The following RHBDD1 variants were observed in gnomAD, a reference collection of about 807,000 sequenced individuals.
RHBDD1 encodes rhomboid domain containing 1.
A neutral mutation model predicts 36.3 loss-of-function variants in RHBDD1; 38 were observed. The ratio of observed to expected loss-of-function variants is 1.05; its 90% CI spans 0.81 to 1.37. The LOEUF is 1.37. Ranked by LOEUF, RHBDD1 falls within the 40% of genes most tolerant of loss-of-function variation. The pLI is 0.00. For synonymous variants in RHBDD1, 151 were observed against 136.5 expected, an observed-to-expected ratio of 1.11 and a Z score of -0.74; for missense variants, 393 against 377.6, an observed-to-expected ratio of 1.04 and a Z score of -0.34.
intron 7 of RHBDD1, 63 bp from the exon 8 acceptor site, chr2:226,914,145 A>G: frequency 6.7e-7 from 1 of 1,486,532 alleles, no homozygotes; most frequent in Non-Finnish European, 9.2e-7. Context: ...TGCTTATACA[A>G]AACAGGAAGT....
chr2:226,808,881 T>C, the RHBDD1 span, among the ~76,000 whole-genome samples: 1 of 151,626 alleles, frequency 6.6e-6, no homozygotes, highest in Non-Finnish European at 1.5e-5. Context: ...AAAAAAAAAC[T>C]TGTAGTCATT....
chr2:226,940,682 T>C (rs1203424526), intron 8 of RHBDD1, among the ~76,000 whole-genome samples: 1 of 152,188 alleles, frequency 6.6e-6, no homozygotes, highest in Non-Finnish European at 1.5e-5. Context: ...TGTTTTCAAA[T>C]AGAACTGTAA....
chr2:226,841,215 C>T (rs566492493), intron 3 of RHBDD1, among the ~76,000 whole-genome samples: 28 of 152,186 alleles, frequency 1.8e-4, no homozygotes, highest in Non-Finnish European at 3.5e-4. Context: ...TCACTGCAGC[C>T]GGGACCTCCT....
chr2:226,875,393 A>T (rs1332040088), intron 5 of RHBDD1, among the ~76,000 whole-genome samples: 1 of 152,206 alleles, frequency 6.6e-6, no homozygotes, highest in Non-Finnish European at 1.5e-5. Flanking sequence ...AACAATTCTG[A>T]ATTAAATCTT....
chr2:226,864,610 C>A lies in RHBDD1; in HGVS notation c.-84C>A. On this transcript the variant is annotated 5_prime_UTR_variant, in exon 4 of 9. Transcript: ENST00000392062. ...CATGCATTTTGTGTTTTAGGTTCAG[C>A]CGTCTGTATATCTCCCCAGATACCT... is the stretch of plus-strand genomic sequence containing the variant. 9.3e-7 allele frequency: 1 copy of A among 1,075,404 alleles called. No individual in the cohort carries two copies. The highest frequency in any genetic ancestry group is 1.4e-6 in the Non-Finnish European group (1 of 725,482). 66.6% of individuals were successfully genotyped at this position (1,075,404 alleles called of 1,614,324 possible).
chr2:226,866,950 T>A (rs944513839), intron 4 of RHBDD1, among the ~76,000 whole-genome samples: 2 of 152,212 alleles, frequency 1.3e-5, no homozygotes, highest in African/African-American at 4.8e-5. Flanking sequence ...GTATTATGTA[T>A]TTAGTAGCAT....
intron 4 of RHBDD1, among the ~76,000 whole-genome samples, chr2:226,865,885 G>C (rs1392368170): frequency 6.6e-6 from 1 of 152,152 alleles, no homozygotes; most frequent in African/African-American, 2.4e-5. Flanking sequence ...GAACTACATA[G>C]GTCCAAGGCC....
intron 8 of RHBDD1, among the ~76,000 whole-genome samples, chr2:226,979,401 C>G (rs986409187): frequency 6.6e-6 from 1 of 152,154 alleles, no homozygotes; most frequent in Non-Finnish European, 1.5e-5. Flanking sequence ...CCCCATCTCA[C>G]CAATTGAATC....
chr2:226,991,595 C>T (rs1209710638), intron 8 of RHBDD1, among the ~76,000 whole-genome samples: 1 of 152,198 alleles, frequency 6.6e-6, no homozygotes, highest in Non-Finnish European at 1.5e-5. Flanking sequence ...GTTCAGCAGG[C>T]ATTTACTGTC....
chr2:226,851,266 AT>A (rs1345666259), intron 3 of RHBDD1, among the ~76,000 whole-genome samples: 1 of 151,890 alleles, frequency 6.6e-6, no homozygotes, highest in African/African-American at 2.4e-5. Context: ...ATGTCTCTGC[AT>A]TTGGGGTATG....
At chr2:226,892,103 A>G (rs1946737360) in intron 5 of RHBDD1, among the ~76,000 whole-genome samples, 1 of 152,230 alleles carries the variant, frequency 6.6e-6, no homozygotes, top group South Asian at 2.1e-4. Flanking sequence ...TGTTCAGCCT[A>G]GCAGCTTGTA....
chr2:226,801,090 G>A, the RHBDD1 span, among the ~76,000 whole-genome samples: 4 of 152,222 alleles, frequency 2.6e-5, no homozygotes, highest in Admixed American at 1.3e-4. Flanking sequence ...GCCCGTTTGG[G>A]GTTGCCGCCC....
chr2:226,923,714 T>G (rs2125790431), intron 8 of RHBDD1, among the ~76,000 whole-genome samples: 1 of 152,190 alleles, frequency 6.6e-6, no homozygotes, highest in East Asian at 1.9e-4. Context: ...TCCTTTTGTC[T>G]CCTCTCACTG....
intron 3 of RHBDD1, among the ~76,000 whole-genome samples, chr2:226,851,172 G>A (rs1319712463): frequency 6.6e-6 from 1 of 152,026 alleles, no homozygotes; most frequent in East Asian, 1.9e-4. Context: ...CAGTAAGGAA[G>A]ACGCTAAACT....
chr2:226,963,049 C>T (rs980796360), intron 8 of RHBDD1, among the ~76,000 whole-genome samples: 5 of 152,094 alleles, frequency 3.3e-5, no homozygotes, highest in African/African-American at 1.2e-4. Context: ...GCATCCCTGG[C>T]CTCTACCCAC....
chr2:226,955,946 T>C (rs1439047444), intron 8 of RHBDD1, among the ~76,000 whole-genome samples: 1 of 152,190 alleles, frequency 6.6e-6, no homozygotes, highest in East Asian at 1.9e-4. Flanking sequence ...CAAGTAACGA[T>C]TATCTACCGA....
chr2:226,810,587 A>T, the RHBDD1 span, among the ~76,000 whole-genome samples: 3 of 145,246 alleles, frequency 2.1e-5, no homozygotes, highest in Non-Finnish European at 4.5e-5. Flanking sequence ...GAGAATCATA[A>T]GGAAAAGAAA....
intron 8 of RHBDD1, among the ~76,000 whole-genome samples, chr2:226,933,575 G>A (rs1950160577): frequency 6.6e-6 from 1 of 152,074 alleles, no homozygotes; most frequent in African/African-American, 2.4e-5. Context: ...TCCTAGGTGA[G>A]GAAGTGCTCA....
chr2:226,867,410 C>A, intron 5 of RHBDD1, 92 bp downstream of exon 5: 2 of 1,350,658 alleles, frequency 1.5e-6, no homozygotes, highest in Non-Finnish European at 2.0e-6. Context: ...AATTGTTTTT[C>A]ACAGTGAGGT....
Sources: allele counts gnomAD v4.1 joint callset (sites outside exome capture counted in the v4.1 genomes callset), GRCh38; gene constraint gnomAD v4.1.1; transcripts MANE v1.5; gene names NCBI Gene and HGNC (gene_info 2026-07-23, HGNC 2026-07-21).